The following RSRC1 variants were observed in gnomAD, a reference collection of about 807,000 sequenced individuals.
RSRC1 encodes the protein serine/Arginine-related protein 53.
A neutral mutation model predicts 49.1 loss-of-function variants in RSRC1; 39 were observed. The observed-to-expected ratio is 0.79, with a 90% CI of 0.61 to 1.04. The LOEUF (loss-of-function observed/expected upper bound fraction) is 1.04, where lower values mean the gene tolerates loss of function less well. Ranked by LOEUF, RSRC1 falls within the 50% of genes least tolerant of loss-of-function variation. RSRC1 has a pLI of 0.00. For missense variants in RSRC1, 388 were observed against 402.4 expected (o/e 0.96, Z 0.31); for synonymous variants, 143 against 130.8 (o/e 1.09, Z -0.63).
chr3:158,373,907 C>G (rs1264841553), intron 6 of RSRC1, among the ~76,000 whole-genome samples: 1 of 152,020 alleles, frequency 6.6e-6, no homozygotes, highest in Non-Finnish European at 1.5e-5. Context: ...GGCTTTTGCT[C>G]ACAGAAAATG....
At chr3:158,161,632 C>G (rs963547011) in intron 3 of RSRC1, among the ~76,000 whole-genome samples, 1 of 152,200 alleles carries the variant, frequency 6.6e-6, no homozygotes, top group African/African-American at 2.4e-5. Context: ...AGTAACGGCA[C>G]AAGCCTGTAA....
chr3:158,228,831 G>A (rs1384120593), intron 4 of RSRC1, among the ~76,000 whole-genome samples: 2 of 149,108 alleles, frequency 1.3e-5, no homozygotes, highest in Non-Finnish European at 3.0e-5. Flanking sequence ...ACACACGTGT[G>A]TATATATGTA....
intron 6 of RSRC1, among the ~76,000 whole-genome samples, chr3:158,416,925 T>C (rs1004456686): frequency 6.6e-6 from 1 of 152,062 alleles, no homozygotes; most frequent in Non-Finnish European, 1.5e-5. Context: ...TTAAGGTGAA[T>C]AATAATGCAT....
chr3:158,276,195 G>A (rs1317218834), intron 4 of RSRC1: 4 of 817,158 alleles, frequency 4.9e-6, no homozygotes, highest in African/African-American at 1.7e-5. Flanking sequence ...TGCACCCTTA[G>A]GAACTGGGCA....
chr3:158,238,306 G>C (rs1276103250), intron 4 of RSRC1, among the ~76,000 whole-genome samples: 1 of 152,196 alleles, frequency 6.6e-6, no homozygotes, highest in East Asian at 1.9e-4. Flanking sequence ...GTAATTTATA[G>C]ATTCTGTGCC....
chr3:158,179,419 A>G (rs1719450478), intron 3 of RSRC1, among the ~76,000 whole-genome samples: 1 of 152,198 alleles, frequency 6.6e-6, no homozygotes, highest in African/African-American at 2.4e-5. Flanking sequence ...CCTTTGAAAG[A>G]AAAGATTAGG....
At chr3:158,471,057 TAGAGCA>T (rs1426657961) in intron 7 of RSRC1, among the ~76,000 whole-genome samples, 1 of 152,200 alleles carries the variant, frequency 6.6e-6, no homozygotes, top group Non-Finnish European at 1.5e-5. Flanking sequence ...TATGAGGCCA[TAGAGCA>T]AGATTATACA....
chr3:158,135,735 A>G (rs1716334716), intron 3 of RSRC1, among the ~76,000 whole-genome samples: 1 of 152,192 alleles, frequency 6.6e-6, no homozygotes, highest in South Asian at 2.1e-4. Flanking sequence ...CAAGGCTTTA[A>G]GTCCCTTTGT....
intron 3 of RSRC1, among the ~76,000 whole-genome samples, chr3:158,147,383 A>G (rs1321281368): frequency 5.3e-5 from 8 of 151,798 alleles, no homozygotes; most frequent in African/African-American, 1.9e-4. Flanking sequence ...TGGGACTACA[A>G]TTCCATCATT....
intron 7 of RSRC1, among the ~76,000 whole-genome samples, chr3:158,465,569 C>A (rs1297365601): frequency 6.6e-6 from 1 of 152,104 alleles, no homozygotes; most frequent in Non-Finnish European, 1.5e-5. Flanking sequence ...GCATGTAGAT[C>A]CAAGTAGGTT....
chr3:158,126,860 T>G (rs1715657404), intron 3 of RSRC1, among the ~76,000 whole-genome samples: 1 of 152,112 alleles, frequency 6.6e-6, no homozygotes, highest in South Asian at 2.1e-4. Flanking sequence ...ATAGTGTTCT[T>G]GATTGACAGG....
chr3:158,374,605 C>T (rs924131537), intron 6 of RSRC1, among the ~76,000 whole-genome samples: 1 of 152,126 alleles, frequency 6.6e-6, no homozygotes, highest in Non-Finnish European at 1.5e-5. Context: ...TTTCCAATAT[C>T]TGTACAGTAC....
intron 3 of RSRC1, among the ~76,000 whole-genome samples, chr3:158,141,174 T>C (rs920576301): frequency 6.6e-5 from 10 of 152,206 alleles, no homozygotes; most frequent in African/African-American, 2.4e-4. Flanking sequence ...AATAATGAAG[T>C]GTAAAGAGAC....
chr3:158,129,771 T>C (rs765000174), intron 3 of RSRC1, among the ~76,000 whole-genome samples: 1 of 152,254 alleles, frequency 6.6e-6, no homozygotes, highest in Non-Finnish European at 1.5e-5. Context: ...TTAGGTGTTA[T>C]TGTTTACATT....
chr3:158,383,380 A>G (rs1732806954), intron 6 of RSRC1, among the ~76,000 whole-genome samples: 1 of 152,144 alleles, frequency 6.6e-6, no homozygotes, highest in Non-Finnish European at 1.5e-5. Context: ...GTATTCGAGA[A>G]TACTGGTATC....
chr3:158,457,986 G>T (rs1007009069), intron 6 of RSRC1, among the ~76,000 whole-genome samples: 2 of 151,950 alleles, frequency 1.3e-5, no homozygotes, highest in Non-Finnish European at 2.9e-5. Flanking sequence ...AATCCTGAAG[G>T]GTATGAAAAG....
chr3:158,481,653 A>G (rs1738619219), intron 7 of RSRC1, among the ~76,000 whole-genome samples: 1 of 152,080 alleles, frequency 6.6e-6, no homozygotes, highest in Admixed American at 6.6e-5. Context: ...CTGTGTCACA[A>G]ACTGAAAGAG....
chr3:158,287,779 A>G lies in RSRC1; in HGVS notation c.495-10260A>G, dbSNP rs187134624. On this transcript the variant is annotated intron_variant, in intron 4 of 9. Coordinates refer to ENST00000611884, the MANE Select transcript of RSRC1 (RefSeq NM_001271838.2). ...ATTCATAAGAATTTCTGGAGGAAAA[A>G]ACAAGGACATATTGAAGCTATTATC... Among the ~76,000 whole-genome samples, 275 of 152,294 alleles carry G rather than the reference A, an allele frequency of 1.8e-3. 2 individuals carry two copies. The highest frequency in any genetic ancestry group is 5.0e-4 in the Non-Finnish European group (34 of 68,024).
intron 5 of RSRC1, 38 bp downstream of exon 5, chr3:158,298,113 T>TC: frequency 6.9e-7 from 1 of 1,443,942 alleles, no homozygotes; most frequent in Non-Finnish European, 9.7e-7. Context: ...TGCATCATCT[T>TC]TGATATCTGC....
Sources: gnomAD v4.1 joint callset for allele counts (sites outside exome capture counted in the v4.1 genomes callset) on GRCh38, gnomAD v4.1.1 for gene constraint, MANE v1.5 for transcripts, NCBI Gene and HGNC (gene_info 2026-07-23, HGNC 2026-07-21) for gene names.